Variants in NAV2 observed in about 807,000 individuals in gnomAD.
The protein encoded by NAV2 is helicase, APC down-regulated 1.
NAV2 carries 54 observed loss-of-function variants against 223.2 expected under a neutral mutation model. The observed-to-expected ratio is 0.24, with a 90% CI of 0.19 to 0.30. The LOEUF is 0.30. Ranked by LOEUF, NAV2 falls within the 10% of genes least tolerant of loss-of-function variation. NAV2 has a pLI of 1.00. For missense variants in NAV2, 2,806 were observed against 3,147.5 expected, an observed-to-expected ratio of 0.89 and a Z score of 2.60; for synonymous variants, 1,279 against 1,239.3, an observed-to-expected ratio of 1.03 and a Z score of -0.67.
intron 1 of NAV2, among the ~76,000 whole-genome samples, chr11:19,699,445 C>A (rs2403529): frequency 4.6e-5 from 7 of 151,542 alleles, no homozygotes; most frequent in Non-Finnish European, 1.0e-4. Context: ...CTGGTATCCC[C>A]TTGATTTTAC....
At chr11:19,410,474 G>C (rs530645072) in intron 1 of NAV2, among the ~76,000 whole-genome samples, 1 of 152,312 alleles carries the variant, frequency 6.6e-6, no homozygotes, top group South Asian at 2.1e-4. Flanking sequence ...AAGGCATGGA[G>C]AGGCTAACTA....
At chr11:19,440,381 T>C (rs1851357199) in intron 1 of NAV2, among the ~76,000 whole-genome samples, 1 of 151,952 alleles carries the variant, frequency 6.6e-6, no homozygotes, top group African/African-American at 2.4e-5. Flanking sequence ...TCAGGATGAG[T>C]TGGAGTTAGG....
chr11:20,056,675 TGAAG>T, intron 19 of NAV2: 8 of 1,263,540 alleles, frequency 6.3e-6, no homozygotes, highest in Non-Finnish European at 9.3e-6. Flanking sequence ...CCCCACCCCA[TGAAG>T]ATGGGGCTGA....
intron 6 of NAV2, among the ~76,000 whole-genome samples, chr11:19,907,182 A>G (rs965253641): frequency 6.6e-6 from 1 of 152,174 alleles, no homozygotes; most frequent in African/African-American, 2.4e-5. Flanking sequence ...TAAGTGTCCA[A>G]AAGTCAGAAA....
chr11:19,416,695 T>G (rs1850385023), intron 1 of NAV2, among the ~76,000 whole-genome samples: 1 of 152,184 alleles, frequency 6.6e-6, no homozygotes, highest in Non-Finnish European at 1.5e-5. Context: ...GACTTCAAAC[T>G]ATATTACAAG....
intron 1 of NAV2, among the ~76,000 whole-genome samples, chr11:19,476,726 A>G (rs1026816084): frequency 4.6e-5 from 7 of 152,236 alleles, no homozygotes; most frequent in African/African-American, 7.2e-5. Context: ...AAATGAATTT[A>G]CTAGGAAAGC....
intron 4 of NAV2, among the ~76,000 whole-genome samples, chr11:19,869,947 G>A (rs1200464538): frequency 1.3e-5 from 2 of 152,158 alleles, no homozygotes; most frequent in African/African-American, 2.4e-5. Context: ...TGAAAGCTTG[G>A]TTTTCCTGGC....
chr11:19,986,599 A>C lies in NAV2; in HGVS notation c.2768+2352A>C, dbSNP rs145300253. On this transcript the variant is annotated intron_variant, in intron 11 of 37. Coordinates refer to ENST00000349880, the MANE Select transcript of NAV2 (RefSeq NM_145117.5). Reference sequence around the variant, plus strand: ...TGTGCCATTGCAGCCATTGCATTCCAGCCTGGGCAACAGAGTGAGACTCAG... The same window carrying C: ...TGTGCCATTGCAGCCATTGCATTCCCGCCTGGGCAACAGAGTGAGACTCAG... Among the ~76,000 whole-genome samples, 420 of 152,350 alleles carry C rather than the reference A, an allele frequency of 2.8e-3. 1 individual carries two copies. The highest frequency in any genetic ancestry group is 9.5e-3 in the African/African-American group (396 of 41,578).
intron 1 of NAV2, among the ~76,000 whole-genome samples, chr11:19,393,272 G>A (rs1849317063): frequency 6.6e-6 from 1 of 152,192 alleles, no homozygotes; most frequent in African/African-American, 2.4e-5. Flanking sequence ...TTCTTCTCAT[G>A]CTGTTGACCA....
chr11:19,658,961 A>G (rs755551354), intron 1 of NAV2, among the ~76,000 whole-genome samples: 1 of 152,216 alleles, frequency 6.6e-6, no homozygotes, highest in Non-Finnish European at 1.5e-5. Context: ...CGAAATCAGC[A>G]AAACATTCGA....
At chr11:19,494,043 G>C (rs1385630585) in intron 1 of NAV2, among the ~76,000 whole-genome samples, 1 of 152,188 alleles carries the variant, frequency 6.6e-6, no homozygotes, top group Non-Finnish European at 1.5e-5. Flanking sequence ...AGACCAGACT[G>C]AGCTCTGCAG....
At chr11:19,811,742 GC>G (rs1439149314) in intron 1 of NAV2, among the ~76,000 whole-genome samples, 1 of 152,114 alleles carries the variant, frequency 6.6e-6, no homozygotes, top group Non-Finnish European at 1.5e-5. Context: ...GCGTGCTTTT[GC>G]TAAAGTTTTA....
intron 1 of NAV2, among the ~76,000 whole-genome samples, chr11:19,715,369 A>G (rs1486102003): frequency 6.6e-6 from 1 of 152,122 alleles, no homozygotes; most frequent in Non-Finnish European, 1.5e-5. Context: ...GTTGTTACGT[A>G]CAGGATTTGT....
intron 1 of NAV2, among the ~76,000 whole-genome samples, chr11:19,806,881 T>C (rs2058596032): frequency 6.6e-6 from 1 of 152,224 alleles, no homozygotes; most frequent in Non-Finnish European, 1.5e-5. Context: ...TATATCTCTA[T>C]GTAGAGTGTG....
At chr11:20,023,169 TG>T in intron 11 of NAV2, 1 of 1,543,432 alleles carries the variant, frequency 6.5e-7, no homozygotes, top group South Asian at 1.2e-5. Flanking sequence ...GGCCAGGGGG[TG>T]GGTGTGGTGC....
chr11:19,657,332 A>G (rs1021216370), intron 1 of NAV2, among the ~76,000 whole-genome samples: 1 of 152,174 alleles, frequency 6.6e-6, no homozygotes, highest in African/African-American at 2.4e-5. Flanking sequence ...GTACTTCCCA[A>G]TACAATTGAG....
In NAV2 at chr11:19,948,937, G is replaced by T. The variant is rs752199315; in HGVS notation, c.2502G>T (p.Arg834=). 5.6e-6 allele frequency: 9 copies of T among 1,614,002 alleles called. No individual in the cohort carries two copies. In the South Asian group the frequency reaches 9.9e-5, roughly 18 times the overall value. Reference sequence around the variant, plus strand: ...CTCTGAGAAGGCAGCTGGCCTCCCGGGGCAGTAGTGTCTGCCATGTGGACG... The same window carrying T: ...CTCTGAGAAGGCAGCTGGCCTCCCGTGGCAGTAGTGTCTGCCATGTGGACG... The part of the protein sequence containing the change: ...SAPLRRQLAS[R]GSSVCHVDVS... The change falls in exon 10 of 38, where the codon CGG becomes CGT. Residue 834 remains arginine, a synonymous_variant. Transcript: ENST00000349880.
At chr11:19,819,382 C>T (rs2059262616) in intron 1 of NAV2, among the ~76,000 whole-genome samples, 1 of 152,144 alleles carries the variant, frequency 6.6e-6, no homozygotes, top group African/African-American at 2.4e-5. Flanking sequence ...GCACCCTAGG[C>T]AGAGAGGGCA....
At chr11:19,839,499 T>G (rs532517402) in intron 2 of NAV2, among the ~76,000 whole-genome samples, 32 of 152,310 alleles carry the variant, frequency 2.1e-4, no homozygotes, top group African/African-American at 7.5e-4. Flanking sequence ...GGGCTGCCTC[T>G]GAACACAACC....
Sources: allele counts gnomAD v4.1 joint callset (sites outside exome capture counted in the v4.1 genomes callset), GRCh38; gene constraint gnomAD v4.1.1; transcripts MANE v1.5; gene names NCBI Gene and HGNC (gene_info 2026-07-23, HGNC 2026-07-21).